The following PRKCE variants were observed in gnomAD, a reference collection of about 807,000 sequenced individuals.
The protein encoded by PRKCE is protein kinase C epsilon type.
Under a neutral mutation model 85.4 loss-of-function variants are expected in PRKCE, and 16 were observed. That is an observed-to-expected ratio of 0.19 (90% CI 0.13 to 0.28). PRKCE has a LOEUF of 0.28. Ranked by LOEUF, PRKCE falls within the 10% of genes least tolerant of loss-of-function variation. The pLI, the probability that PRKCE is intolerant of heterozygous loss-of-function variation, is 1.00. For missense variants in PRKCE, 573 were observed against 975.2 expected (o/e 0.59, Z 5.49); for synonymous variants, 388 against 371.5 (o/e 1.04, Z -0.51).
intron 1 of PRKCE, among the ~76,000 whole-genome samples, chr2:45,683,651 G>A (rs887950845): frequency 6.6e-6 from 1 of 152,176 alleles, no homozygotes; most frequent in Admixed American, 6.5e-5. Context: ...CTTTGCGGGA[G>A]CAGTATTTAT....
chr2:46,107,545 C>T (rs746084443), intron 11 of PRKCE, among the ~76,000 whole-genome samples: 2 of 152,174 alleles, frequency 1.3e-5, no homozygotes, highest in Non-Finnish European at 2.9e-5. Context: ...CTGGGGTAAA[C>T]ATGTTTTCCA....
intron 1 of PRKCE, chr2:45,676,953 A>T (rs745654403): frequency 6.6e-6 from 1 of 152,188 alleles, no homozygotes; most frequent in Non-Finnish European, 1.5e-5. Context: ...ACAGGCAATT[A>T]TGACATAGTT....
intron 11 of PRKCE, among the ~76,000 whole-genome samples, chr2:46,107,257 C>A (rs60693064): frequency 0.036 from 5,459 of 152,280 alleles, 329 homozygotes; most frequent in African/African-American, 0.12. Flanking sequence ...CAGTGTGTAA[C>A]CTTTTCAGAC....
Position 46,007,508 on chromosome 2 carries a change from C to T in PRKCE, c.1110C>T (p.Asp370=). 1.3e-6 allele frequency: 2 copies of T among 1,599,772 alleles called. No individual in the cohort carries two copies. Among genetic ancestry groups the T allele is most frequent in the Non-Finnish European group, 1.7e-6 (2 of 1,179,958 alleles). The part of the protein sequence containing the change: ...ENNIRKALSF[D]NRGEEHRAAS... ...ACATTCGGAAAGCCTTGTCATTTGA[C>T]AACCGAGGAGAGGAGCACCGGGCAG... Residue 370 remains aspartate (D), a synonymous_variant, in exon 9 of 15, where the codon GAC becomes GAT. Transcript: ENST00000306156.
chr2:45,960,099 G>C (rs1701276370), intron 2 of PRKCE, among the ~76,000 whole-genome samples: 1 of 152,186 alleles, frequency 6.6e-6, no homozygotes, highest in East Asian at 1.9e-4. Context: ...CCACCTGTTA[G>C]AGAAATACAA....
chr2:45,678,252 A>G (rs939203392), intron 1 of PRKCE, among the ~76,000 whole-genome samples: 9 of 152,238 alleles, frequency 5.9e-5, no homozygotes, highest in African/African-American at 2.2e-4. Context: ...GTTTTTATAT[A>G]ATGTAAACTA....
Position 46,034,690 on chromosome 2 carries a change from A to G in PRKCE, c.1437+24173A>G, listed in dbSNP as rs112149894. 6.3e-4 allele frequency among the ~76,000 whole-genome samples: 96 copies of G among 152,322 alleles called. 2 individuals carry two copies. Among genetic ancestry groups the G allele is most frequent in the African/African-American group, 2.0e-3 (84 of 41,576 alleles). On this transcript the variant is annotated intron_variant, in intron 10 of 14. Coordinates refer to ENST00000306156, the MANE Select transcript of PRKCE (RefSeq NM_005400.3). The stretch of plus-strand genomic sequence containing the variant: ...CAACCTAGCATGCTGGACAGAACCC[A>G]GGGCGGGGATCCTGTCTGGGCTCTG...
chr2:46,094,138 C>T (rs752656034), intron 11 of PRKCE, among the ~76,000 whole-genome samples: 6 of 152,186 alleles, frequency 3.9e-5, no homozygotes, highest in Non-Finnish European at 8.8e-5. Context: ...GCCTTGTAAA[C>T]TATTCCAGTC....
At chr2:46,123,626 C>G (rs1264291808) in intron 11 of PRKCE, among the ~76,000 whole-genome samples, 1 of 152,164 alleles carries the variant, frequency 6.6e-6, no homozygotes, top group Non-Finnish European at 1.5e-5. Flanking sequence ...GTAACTGGAA[C>G]TACAGGCGTG....
At chr2:46,035,021 C>T (rs1345829773) in intron 10 of PRKCE, among the ~76,000 whole-genome samples, 1 of 152,222 alleles carries the variant, frequency 6.6e-6, no homozygotes, top group Non-Finnish European at 1.5e-5. Flanking sequence ...AGTCCCTTCT[C>T]GAAAGCAGCC....
chr2:46,065,040 C>T (rs886227480), intron 10 of PRKCE, among the ~76,000 whole-genome samples: 2 of 152,162 alleles, frequency 1.3e-5, no homozygotes, highest in South Asian at 2.1e-4. Context: ...TGTACATCCT[C>T]GACCCTTCAA....
intron 1 of PRKCE, among the ~76,000 whole-genome samples, chr2:45,818,487 G>A (rs1375724350): frequency 2.0e-5 from 3 of 152,184 alleles, no homozygotes; most frequent in African/African-American, 4.8e-5. Flanking sequence ...TAGGAAGGAC[G>A]GGACTTGGGT....
Position 45,997,695 on chromosome 2 carries a change from C to T in PRKCE, c.824-3709C>T, listed in dbSNP as rs545102702. Among the ~76,000 whole-genome samples, 28 of 151,998 alleles carry T rather than the reference C, an allele frequency of 1.8e-4. No individual in the cohort carries two copies. In the South Asian group the frequency reaches 5.2e-3, roughly 28 times the overall value. On this transcript the variant is annotated intron_variant, in intron 6 of 14. Transcript: ENST00000306156. ...CCAAATAGCTGGGATTGCAGGCATA[C>T]GCCACCACACCTGGCTAATTTTTGT...
intron 10 of PRKCE, among the ~76,000 whole-genome samples, chr2:46,072,289 G>T (rs183626118): frequency 6.6e-6 from 1 of 152,200 alleles, no homozygotes; most frequent in African/African-American, 2.4e-5. Context: ...GGATTGAGTT[G>T]TATGTTTACG....
In PRKCE at chr2:45,992,575, G is replaced by C. The variant is rs148540361; in HGVS notation, c.823+7895G>C. 1.8e-3 allele frequency among the ~76,000 whole-genome samples: 271 copies of C among 152,290 alleles called. 2 individuals are homozygous for C. Among genetic ancestry groups the C allele is most frequent in the African/African-American group, 6.3e-3 (262 of 41,560 alleles). On this transcript the variant is annotated intron_variant, in intron 6 of 14. Transcript: ENST00000306156. ...TCTGTCTCTGAGCTTGGCATGACTG[G>C]AACCTGTTATGAAATCAAACCATTG... is the stretch of plus-strand genomic sequence containing the variant.
intron 1 of PRKCE, among the ~76,000 whole-genome samples, chr2:45,727,421 G>C (rs1446447627): frequency 6.6e-6 from 1 of 152,198 alleles, no homozygotes; most frequent in African/African-American, 2.4e-5. Flanking sequence ...ATCACTGGGG[G>C]CTTCCCGGAG....
intron 1 of PRKCE, among the ~76,000 whole-genome samples, chr2:45,657,537 A>T (rs1675435528): frequency 1.3e-5 from 2 of 152,104 alleles, no homozygotes; most frequent in African/African-American, 4.8e-5. Context: ...TAGCCCCCAA[A>T]ATGAGCATGG....
At chr2:45,892,418 C>A (rs557055947) in intron 2 of PRKCE, among the ~76,000 whole-genome samples, 4 of 151,708 alleles carry the variant, frequency 2.6e-5, no homozygotes, top group African/African-American at 9.7e-5. Flanking sequence ...CATAAGAGAG[C>A]AGAAGAAAAA....
intron 2 of PRKCE, among the ~76,000 whole-genome samples, chr2:45,868,702 C>A (rs1203737051): frequency 6.9e-6 from 1 of 144,188 alleles, no homozygotes; most frequent in Non-Finnish European, 1.5e-5. Flanking sequence ...GGAGGCAGGC[C>A]GAGGTGGGCG....
Sources: allele counts gnomAD v4.1 joint callset (sites outside exome capture counted in the v4.1 genomes callset), GRCh38; gene constraint gnomAD v4.1.1; transcripts MANE v1.5; gene names NCBI Gene and HGNC (gene_info 2026-07-23, HGNC 2026-07-21).